The following SASS6 variants were observed in gnomAD, a reference collection of about 807,000 sequenced individuals.
SASS6 encodes SAS-6 centriolar assembly protein, also known as spindle assembly abnormal protein 6 homolog.
In SASS6, 59 loss-of-function variants were observed where a neutral mutation model predicts 94.9. The observed-to-expected ratio is 0.62, with a 90% CI of 0.50 to 0.77. SASS6 has a LOEUF of 0.77. SASS6 is among the 30% of genes least tolerant of loss of function. The pLI is 0.00. For synonymous variants in SASS6, 264 were observed against 270.0 expected, an observed-to-expected ratio of 0.98 and a Z score of 0.22; for missense variants, 698 against 734.1, an observed-to-expected ratio of 0.95 and a Z score of 0.57.
At chr1:100,105,743 C>G in intron 13 of SASS6, 24 bp downstream of exon 13, 4 of 1,601,020 alleles carry the variant, frequency 2.5e-6, no homozygotes, top group Non-Finnish European at 3.4e-6. Context: ...ACTAAGATCA[C>G]TCACATCTTG....
chr1:100,094,793 G>A (rs1651998542), intron 14 of SASS6, among the ~76,000 whole-genome samples: 1 of 148,972 alleles, frequency 6.7e-6, no homozygotes, highest in Non-Finnish European at 1.5e-5. Context: ...TGGAACCCAG[G>A]AGGCAGAGGT....
At chr1:100,097,940 C>G (rs1365160386) in intron 14 of SASS6, among the ~76,000 whole-genome samples, 1 of 152,082 alleles carries the variant, frequency 6.6e-6, no homozygotes. Context: ...TTGCCTAGGG[C>G]TAGAAGGAGG....
At chr1:100,112,991 A>C (rs1653457780) in intron 7 of SASS6, among the ~76,000 whole-genome samples, 1 of 152,208 alleles carries the variant, frequency 6.6e-6, no homozygotes, top group African/African-American at 2.4e-5. Flanking sequence ...AGGGCTGCCT[A>C]ACAATCCTAT....
At chr1:100,120,172 A>G (rs181124512) in intron 6 of SASS6, among the ~76,000 whole-genome samples, 10 of 152,366 alleles carry the variant, frequency 6.6e-5, no homozygotes, top group African/African-American at 2.4e-4. Flanking sequence ...GGAACATGTT[A>G]TATATTGGGG....
rs1192939437 is a variant in SASS6, at chr1:100,132,797, G to C, written c.18C>G (p.Phe6Leu). The change falls in exon 1 of 17, where the codon TTC (phenylalanine) becomes TTG (leucine). Residue 6 changes from phenylalanine to leucine, a missense_variant. By Grantham distance (22) the Phe-to-Leu change is conservative (BLOSUM62 0). Coordinates refer to ENST00000287482, the MANE Select transcript of SASS6 (RefSeq NM_194292.3). ...TCACCTGCAACGGGACTAGTTGGTG[G>C]AACAGCACTTGGCTCATGTTGGCTC... The part of the protein sequence containing the change: MSQVL[F>L]HQLVPLQVKC... 1 of 1,613,976 alleles carries C rather than the reference G, an allele frequency of 6.2e-7. No individual in the cohort carries two copies. The highest frequency in any genetic ancestry group is 8.5e-7 in the Non-Finnish European group (1 of 1,179,960).
At chr1:100,130,450 G>A (rs893014422) in intron 1 of SASS6, among the ~76,000 whole-genome samples, 1 of 152,170 alleles carries the variant, frequency 6.6e-6, no homozygotes, top group Non-Finnish European at 1.5e-5. Context: ...GGAGGCTGGG[G>A]TGAGAGGATC....
chr1:100,091,363 CTGAT>C (rs1651667144), intron 14 of SASS6, among the ~76,000 whole-genome samples: 1 of 151,952 alleles, frequency 6.6e-6, no homozygotes, highest in South Asian at 2.1e-4. Flanking sequence ...CCTAACAAGA[CTGAT>C]TGTTTGCTTA....
At chr1:100,095,948 G>A (rs553101142) in intron 14 of SASS6, among the ~76,000 whole-genome samples, 142 of 152,270 alleles carry the variant, frequency 9.3e-4, no homozygotes, top group Non-Finnish European at 1.8e-3. Flanking sequence ...TTCATGGATT[G>A]GAAGACACAA....
chr1:100,096,609 G>A (rs916898597), intron 14 of SASS6, among the ~76,000 whole-genome samples: 1 of 152,170 alleles, frequency 6.6e-6, no homozygotes, highest in African/African-American at 2.4e-5. Flanking sequence ...GGAAGCCACT[G>A]GGAGAAAATA....
chr1:100,093,546 A>G (rs1219707478), intron 14 of SASS6, among the ~76,000 whole-genome samples: 1 of 152,086 alleles, frequency 6.6e-6, no homozygotes, highest in African/African-American at 2.4e-5. Flanking sequence ...AGATCACTTG[A>G]GCCCAGGAGT....
chr1:100,091,880 GA>G (rs1412101097), intron 14 of SASS6, among the ~76,000 whole-genome samples: 1 of 150,954 alleles, frequency 6.6e-6, no homozygotes, highest in East Asian at 1.9e-4. Context: ...GTGTTCTGCA[GA>G]AAAAAATATT....
At chr1:100,096,261 A>G (rs1652091141) in intron 14 of SASS6, among the ~76,000 whole-genome samples, 1 of 152,202 alleles carries the variant, frequency 6.6e-6, no homozygotes, top group Non-Finnish European at 1.5e-5. Context: ...CTGATTTTCA[A>G]CAAAGGTGCT....
intron 6 of SASS6, among the ~76,000 whole-genome samples, chr1:100,119,978 A>G (rs1158852909): frequency 6.6e-6 from 1 of 152,240 alleles, no homozygotes; most frequent in East Asian, 1.9e-4. Flanking sequence ...GAAATGTTGT[A>G]GCTATGACTG....
intron 8 of SASS6, among the ~76,000 whole-genome samples, chr1:100,109,991 C>T (rs969261460): frequency 1.3e-5 from 2 of 151,944 alleles, no homozygotes; most frequent in East Asian, 1.9e-4. Context: ...CCTGTCAACA[C>T]AGTACCCTAT....
intron 14 of SASS6, among the ~76,000 whole-genome samples, chr1:100,098,089 G>A (rs1393277282): frequency 6.6e-6 from 1 of 151,964 alleles, no homozygotes; most frequent in Non-Finnish European, 1.5e-5. Flanking sequence ...AGGATTTTAT[G>A]GTATGTAAAT....
chr1:100,119,896 G>T (rs1654044178), intron 6 of SASS6, among the ~76,000 whole-genome samples: 1 of 152,188 alleles, frequency 6.6e-6, no homozygotes, highest in African/African-American at 2.4e-5. Flanking sequence ...CCCAGCTTCA[G>T]ATAGTTCTTT....
intron 4 of SASS6, 121 bp from the exon 5 acceptor site, chr1:100,121,670 G>T: frequency 5.1e-6 from 3 of 583,630 alleles, no homozygotes; most frequent in East Asian, 3.3e-5. Flanking sequence ...ACTCCCAATG[G>T]TAAAAGATAA....
intron 14 of SASS6, among the ~76,000 whole-genome samples, chr1:100,098,529 G>A (rs919292383): frequency 1.3e-5 from 2 of 151,394 alleles, no homozygotes; most frequent in Admixed American, 6.6e-5. Context: ...ATTACAATAA[G>A]ATACTATTTT....
chr1:100,125,049 A>C (rs778939647), intron 2 of SASS6, among the ~76,000 whole-genome samples: 5 of 152,092 alleles, frequency 3.3e-5, no homozygotes, highest in Non-Finnish European at 7.4e-5. Flanking sequence ...CCCCTCCTCT[A>C]TTCTATATCC....
Sources: allele counts gnomAD v4.1 joint callset (sites outside exome capture counted in the v4.1 genomes callset), GRCh38; gene constraint gnomAD v4.1.1; transcripts MANE v1.5; gene names NCBI Gene and HGNC (gene_info 2026-07-23, HGNC 2026-07-21).